The following TMEM196 variants were observed in gnomAD, a reference collection of about 807,000 sequenced individuals.
TMEM196 encodes the protein transmembrane protein 196.
Under a neutral mutation model 20.0 loss-of-function variants are expected in TMEM196, and 17 were observed. The ratio of observed to expected loss-of-function variants is 0.85; its 90% CI spans 0.58 to 1.27. TMEM196 has a LOEUF of 1.27. Among genes scored for constraint, TMEM196 ranks in the 50% most tolerant of loss-of-function variants. The probability of loss-of-function intolerance (pLI) is 0.00; values close to 1 mark genes in which losing one functional copy is unlikely to be tolerated. For missense variants in TMEM196, 267 were observed against 223.0 expected, an observed-to-expected ratio of 1.20 and a Z score of -1.26; for synonymous variants, 113 against 88.9, an observed-to-expected ratio of 1.27 and a Z score of -1.52.
chr7:19,747,467 A>G (rs10249635), intron 1 of TMEM196, among the ~76,000 whole-genome samples: 23,345 of 152,052 alleles, frequency 0.15, 2,191 homozygotes, highest in East Asian at 0.43. Flanking sequence ...GGAATGGAGT[A>G]ATGTTTATCA....
intron 1 of TMEM196, among the ~76,000 whole-genome samples, chr7:19,752,006 CTATTTACTCCAAAGGA>C (rs1329989485): frequency 3.9e-5 from 6 of 152,166 alleles, no homozygotes; most frequent in African/African-American, 1.4e-4. Context: ...GTATTAATTT[CTATTTACTCCAAAGGA>C]AGTCTTCGAA....
intron 1 of TMEM196, among the ~76,000 whole-genome samples, chr7:19,734,591 A>G (rs777523046): frequency 3.0e-4 from 45 of 152,306 alleles, no homozygotes; most frequent in Non-Finnish European, 4.6e-4. Flanking sequence ...GACAGGGAGA[A>G]GAAATTTGAA....
At chr7:19,759,569 A>G (rs1400659160) in intron 1 of TMEM196, among the ~76,000 whole-genome samples, 1 of 152,022 alleles carries the variant, frequency 6.6e-6, no homozygotes, top group Non-Finnish European at 1.5e-5. Context: ...TTGATCTCAC[A>G]AGCATCTCTA....
chr7:19,748,078 C>G (rs1443184524), intron 1 of TMEM196, among the ~76,000 whole-genome samples: 1 of 151,836 alleles, frequency 6.6e-6, no homozygotes, highest in Non-Finnish European at 1.5e-5. Flanking sequence ...ACTGGTCTCT[C>G]CCATGCATAT....
In TMEM196 at chr7:19,761,908, C is replaced by T. The variant is rs181267486; in HGVS notation, c.147+10642G>A. On this transcript the variant is annotated intron_variant, in intron 1 of 4. Transcript: ENST00000405844. The stretch of plus-strand genomic sequence containing the variant: ...CTTAATTCTCAGAACGCAATTTCTT[C>T]ACATCTCCCCCTCAGTGTTCATGTA... Among the ~76,000 whole-genome samples, 4 of 152,306 alleles carry T rather than the reference C, an allele frequency of 2.6e-5. No individual in the cohort carries two copies. In the East Asian group the frequency reaches 5.8e-4, roughly 22 times the overall value.
At chr7:19,755,013 G>A (rs1172570985) in intron 1 of TMEM196, among the ~76,000 whole-genome samples, 1 of 152,116 alleles carries the variant, frequency 6.6e-6, no homozygotes, top group East Asian at 1.9e-4. Context: ...CGTAACTATG[G>A]TCTTAAAGGG....
chr7:19,765,319 T>A (rs1283780372), intron 1 of TMEM196, among the ~76,000 whole-genome samples: 1 of 152,150 alleles, frequency 6.6e-6, no homozygotes, highest in African/African-American at 2.4e-5. Flanking sequence ...CTAATGGAAC[T>A]TAGAGTTGCT....
chr7:19,761,595 C>T (rs1243100116), intron 1 of TMEM196, among the ~76,000 whole-genome samples: 1 of 152,066 alleles, frequency 6.6e-6, no homozygotes, highest in African/African-American at 2.4e-5. Context: ...AGATAAGATG[C>T]AACTATAGCA....
rs1015282359 is a variant in TMEM196 at position 19,719,913 on chromosome 7, T to C, written c.*2215A>G. Reference sequence around the variant, plus strand: ...TCTCCTTTTGTCCTTTAATGTGTTATGTTATAGATCAGTTCAAAAGGCATT... The same window carrying C: ...TCTCCTTTTGTCCTTTAATGTGTTACGTTATAGATCAGTTCAAAAGGCATT... On this transcript the variant is annotated 3_prime_UTR_variant, in exon 5 of 5. Coordinates refer to ENST00000405844, the MANE Select transcript of TMEM196 (RefSeq NM_001363562.2). 2.0e-5 allele frequency: 3 copies of C among 152,104 alleles called. No individual in the cohort carries two copies. The highest frequency in any genetic ancestry group is 2.9e-5 in the Non-Finnish European group (2 of 67,942). 9.4% of individuals were successfully genotyped at this position (152,104 alleles called of 1,614,324 possible). A position where few individuals can be genotyped will look rare whatever the true frequency, so the allele number is the denominator to read the frequency against.
chr7:19,736,353 C>A (rs72591452), intron 1 of TMEM196, among the ~76,000 whole-genome samples: 1,369 of 37,830 alleles, frequency 0.036, 47 homozygotes, highest in South Asian at 0.068. Flanking sequence ...GTGGTTCCTA[C>A]TATATATATA....
Position 19,719,872 on chromosome 7 carries a change from T to C in TMEM196, c.*2256A>G, listed in dbSNP as rs1707308555. The stretch of plus-strand genomic sequence containing the variant: ...GATGGCATCTCTTTTTAACTATACA[T>C]CAAAGCAGTGATATGTCTCCTTTTG... On this transcript the variant is annotated 3_prime_UTR_variant, in exon 5 of 5. Coordinates refer to ENST00000405844, the MANE Select transcript of TMEM196 (RefSeq NM_001363562.2). The C allele has an allele frequency of 6.6e-6, 1 of 152,096 alleles. No homozygotes were observed. The highest frequency in any genetic ancestry group is 2.1e-4 in the South Asian group (1 of 4,834). 9.4% of individuals were successfully genotyped at this position (152,096 alleles called of 1,614,324 possible).
At chr7:19,737,402 T>A (rs886716847) in intron 1 of TMEM196, among the ~76,000 whole-genome samples, 1 of 152,020 alleles carries the variant, frequency 6.6e-6, no homozygotes, top group Non-Finnish European at 1.5e-5. Context: ...TAAAACAAGA[T>A]GGCAGTTTCT....
In TMEM196 at chr7:19,725,444, T is replaced by A. The variant is rs1583414691; in HGVS notation, c.459+70A>T. On this transcript the variant is annotated intron_variant, in intron 3 of 4. Coordinates refer to ENST00000405844, the MANE Select transcript of TMEM196 (RefSeq NM_001363562.2). ...TCAAATTGTGATCTAAAGTTTCAAG[T>A]TGATTCACCCAGAGTGGACTTCAGT... The A allele has an allele frequency of 2.1e-5, 31 of 1,492,400 alleles. No homozygotes were observed. The East Asian group carries it at 7.2e-4, about 35-fold the overall frequency. 92.4% of individuals were successfully genotyped at this position (1,492,400 alleles called of 1,614,324 possible).
In TMEM196 at chr7:19,772,856, C is replaced by A. The variant is rs370794792; in HGVS notation, c.-160G>T. On this transcript the variant is annotated 5_prime_UTR_variant, in exon 1 of 5. Transcript: ENST00000405844. ...TCCACAAGGGCTGGATTTCCAGAAA[C>A]GAAGACCTTCCCTGGCTGGGCCAGA... 4 of 647,602 alleles carry A rather than the reference C, an allele frequency of 6.2e-6. No individual in the cohort carries two copies. The highest frequency in any genetic ancestry group is 8.3e-5 in the Admixed American group (2 of 24,186). The allele number at this position is 647,602 out of a possible 1,614,324, so 40.1% of individuals were successfully genotyped here.
intron 1 of TMEM196, among the ~76,000 whole-genome samples, chr7:19,763,922 C>T (rs1251603292): frequency 6.6e-6 from 1 of 152,094 alleles, no homozygotes; most frequent in Non-Finnish European, 1.5e-5. Flanking sequence ...TCAGTCAAGC[C>T]TAAACAATTA....
At chr7:19,729,239 G>T (rs1349746355) in intron 2 of TMEM196, 143 bp downstream of exon 2, 3 of 588,620 alleles carry the variant, frequency 5.1e-6, no homozygotes, top group Non-Finnish European at 7.7e-6. Context: ...AACAGAAAAG[G>T]CAGGATTTAT....
At chr7:19,736,389 A>C (rs951388429) in intron 1 of TMEM196, among the ~76,000 whole-genome samples, 1 of 50,384 alleles carries the variant, frequency 2.0e-5, no homozygotes, top group Non-Finnish European at 3.5e-5. Flanking sequence ...ATATATATAT[A>C]TATATATATA....
chr7:19,752,195 T>A (rs1190431376), intron 1 of TMEM196, among the ~76,000 whole-genome samples: 1 of 152,210 alleles, frequency 6.6e-6, no homozygotes, highest in Admixed American at 6.5e-5. Context: ...TGCAATTCAG[T>A]GTGCATGTAG....
At chr7:19,735,613 T>C (rs1318141154) in intron 1 of TMEM196, among the ~76,000 whole-genome samples, 1 of 152,162 alleles carries the variant, frequency 6.6e-6, no homozygotes, top group Admixed American at 6.6e-5. Flanking sequence ...TTGAATTATG[T>C]AATGGAAAAT....
Sources: allele counts gnomAD v4.1 joint callset (sites outside exome capture counted in the v4.1 genomes callset), GRCh38; gene constraint gnomAD v4.1.1; transcripts MANE v1.5; gene names NCBI Gene and HGNC (gene_info 2026-07-23, HGNC 2026-07-21).